CHD2: variants seen among roughly 807,000 people sequenced by gnomAD.
CHD2 encodes ATP-dependent chromatin remodeler CHD2.
CHD2 carries 28 observed loss-of-function variants against 243.9 expected under a neutral mutation model. The ratio of observed to expected loss-of-function variants is 0.11; its 90% CI spans 0.09 to 0.16. The LOEUF is 0.16. Among genes scored for constraint, CHD2 ranks in the 10% least tolerant of loss-of-function variants. The pLI is 1.00. For synonymous variants in CHD2, 775 were observed against 779.0 expected, an observed-to-expected ratio of 0.99 and a Z score of 0.09; for missense variants, 1,386 against 2,209.8, an observed-to-expected ratio of 0.63 and a Z score of 7.47.
intron 35 of CHD2, among the ~76,000 whole-genome samples, chr15:93,010,005 T>G (rs2054370241): frequency 6.6e-6 from 1 of 152,206 alleles, no homozygotes; most frequent in Admixed American, 6.5e-5. Context: ...CTGCACCCAG[T>G]GTGTCATCTT....
intron 17 of CHD2, among the ~76,000 whole-genome samples, chr15:92,969,318 T>C (rs2053808828): frequency 6.6e-6 from 1 of 152,342 alleles, no homozygotes; most frequent in Admixed American, 6.5e-5. Flanking sequence ...CCAAAGAAAG[T>C]GAGCAGAGTT....
At chr15:92,904,926 G>A in intron 2 of CHD2, 9 of 1,536,016 alleles carry the variant, frequency 5.9e-6, no homozygotes, top group Non-Finnish European at 7.8e-6. Context: ...TAAACAAAGG[G>A]AAGATTATTT....
At chr15:92,957,099 AGAT>A (rs1393384801) in intron 16 of CHD2, among the ~76,000 whole-genome samples, 3 of 152,166 alleles carry the variant, frequency 2.0e-5, no homozygotes, top group Non-Finnish European at 2.9e-5. Flanking sequence ...TTTATGGGAG[AGAT>A]GATATGCACA....
chr15:92,912,343 A>G (rs2052751835), intron 2 of CHD2, among the ~76,000 whole-genome samples: 1 of 151,992 alleles, frequency 6.6e-6, no homozygotes, highest in Admixed American at 6.6e-5. Flanking sequence ...CTCGGGGAAT[A>G]GTTCTTGAGT....
At chr15:92,974,788 G>T in intron 19 of CHD2, 91 bp from the exon 20 acceptor site, 2 of 1,146,466 alleles carry the variant, frequency 1.7e-6, no homozygotes, top group South Asian at 2.6e-5. Flanking sequence ...CTCAGTGGGT[G>T]TTCAGGTGAT....
chr15:93,020,401 G>C, intron 38 of CHD2, 143 bp downstream of exon 38: 1 of 1,040,802 alleles, frequency 9.6e-7, no homozygotes, highest in South Asian at 1.5e-5. Flanking sequence ...CGAATCCCAT[G>C]TCTTGGTTAT....
chr15:93,013,919 A>C (rs999479457), intron 36 of CHD2, among the ~76,000 whole-genome samples: 9 of 118,350 alleles, frequency 7.6e-5, no homozygotes, highest in African/African-American at 2.9e-4. Flanking sequence ...ACAGAGTGAG[A>C]CTCTGTCTCA....
chr15:92,907,527 A>G (rs1228783752), intron 2 of CHD2, among the ~76,000 whole-genome samples: 1 of 152,202 alleles, frequency 6.6e-6, no homozygotes, highest in East Asian at 1.9e-4. Flanking sequence ...TGTATGCTTA[A>G]CTGTTACCTC....
chr15:92,939,741 T>G, intron 7 of CHD2, 23 bp downstream of exon 7: 1 of 1,609,062 alleles, frequency 6.2e-7, no homozygotes. Context: ...CCAGAAGTGT[T>G]TCACTGGTGT....
At chr15:92,971,997 G>T (rs2053847690) in intron 18 of CHD2, 70 bp downstream of exon 18, 3 of 1,474,928 alleles carry the variant, frequency 2.0e-6, no homozygotes, top group Non-Finnish European at 1.8e-6. Flanking sequence ...TCATCAGAAT[G>T]CTCTATTTCC....
intron 34 of CHD2, among the ~76,000 whole-genome samples, chr15:93,005,863 C>T (rs1254016008): frequency 3.9e-5 from 6 of 151,976 alleles, no homozygotes; most frequent in South Asian, 2.1e-4. Context: ...CTTTCTTTTC[C>T]GAGTGTTTAT....
chr15:92,910,538 G>A (rs563395472), intron 2 of CHD2, among the ~76,000 whole-genome samples: 4 of 152,104 alleles, frequency 2.6e-5, no homozygotes, highest in Non-Finnish European at 2.9e-5. Flanking sequence ...GATCACAGGC[G>A]TTTGCCACCA....
chr15:92,944,916 G>C (rs1302278611), intron 10 of CHD2: 2 of 152,872 alleles, frequency 1.3e-5, no homozygotes, highest in African/African-American at 4.8e-5. Context: ...TTTAGTCTGG[G>C]CTGGAGATTT....
chr15:93,009,627 C>A (rs1357608108), intron 35 of CHD2, among the ~76,000 whole-genome samples: 2 of 152,210 alleles, frequency 1.3e-5, no homozygotes, highest in Non-Finnish European at 2.9e-5. Flanking sequence ...GGGCAAAAAT[C>A]ATCTGGTCTT....
chr15:92,918,800 T>C (rs560934532), intron 2 of CHD2, among the ~76,000 whole-genome samples: 60 of 151,580 alleles, frequency 4.0e-4, no homozygotes, highest in South Asian at 4.2e-4. Context: ...GTACGCTATA[T>C]ATACACACAT....
At chr15:93,005,336 G>C (rs1027901636) in intron 34 of CHD2, among the ~76,000 whole-genome samples, 2 of 152,064 alleles carry the variant, frequency 1.3e-5, no homozygotes, top group African/African-American at 4.8e-5. Flanking sequence ...AGAGGGGAGG[G>C]CAAGGCGATG....
chr15:92,971,560 C>CTTT (rs759742687), intron 17 of CHD2, among the ~76,000 whole-genome samples: 2 of 152,270 alleles, frequency 1.3e-5, no homozygotes, highest in East Asian at 3.9e-4. Flanking sequence ...CCAGCAGAAT[C>CTTT]TTTAACATTC....
intron 16 of CHD2, among the ~76,000 whole-genome samples, chr15:92,959,860 T>A (rs1338429409): frequency 6.6e-6 from 1 of 152,214 alleles, no homozygotes; most frequent in African/African-American, 2.4e-5. Context: ...TTTTGGTTAT[T>A]CTAGAATTCT....
intron 38 of CHD2, chr15:93,020,831 GTGCGTC>G (rs1384634814): frequency 6.4e-6 from 1 of 155,902 alleles, no homozygotes; most frequent in Non-Finnish European, 1.4e-5. Context: ...GGCTGATGAT[GTGCGTC>G]ATTTGCACTG....
Sources: gnomAD v4.1 joint callset for allele counts (sites outside exome capture counted in the v4.1 genomes callset) on GRCh38, gnomAD v4.1.1 for gene constraint, MANE v1.5 for transcripts, NCBI Gene and HGNC (gene_info 2026-07-23, HGNC 2026-07-21) for gene names.